The following CWF19L2 variants were observed in gnomAD, a reference collection of about 807,000 sequenced individuals.
CWF19L2 encodes CWF19-like protein 2.
In CWF19L2, 98 loss-of-function variants were observed where a neutral mutation model predicts 111.7. That is an observed-to-expected ratio of 0.88 (90% CI 0.75 to 1.04). CWF19L2 has a LOEUF of 1.04. CWF19L2 is among the 50% of genes least tolerant of loss of function. The pLI is 0.00. For missense variants in CWF19L2, 1,101 were observed against 1,051.4 expected (o/e 1.05, Z -0.65); for synonymous variants, 351 against 342.9 (o/e 1.02, Z -0.26).
intron 7 of CWF19L2, among the ~76,000 whole-genome samples, chr11:107,430,146 T>C (rs1163208319): frequency 2.7e-5 from 4 of 150,524 alleles, no homozygotes; most frequent in African/African-American, 9.8e-5. Context: ...CCAATAGCCT[T>C]GGGTGGGGGA....
At position 107,368,124 on chromosome 11, in the gene CWF19L2, C is replaced by A. The variant is rs550806366; in HGVS notation, c.1873-14388G>T. On this transcript the variant is annotated intron_variant, in intron 12 of 17. Coordinates refer to ENST00000282251, the MANE Select transcript of CWF19L2 (RefSeq NM_152434.3). ...GGGCAGAATAAATTGAGACCCCCCC[C>A]CACACAAAAATACAAAAGATCAGTA... Among the ~76,000 whole-genome samples, 365 of 110,272 alleles carry A rather than the reference C, an allele frequency of 3.3e-3. 67 individuals are homozygous for A. The highest frequency in any genetic ancestry group is 0.022 in the South Asian group (79 of 3,602). The allele number at this position is 110,272 out of a possible 152,430, so 72.3% of individuals were successfully genotyped here.
At chr11:107,433,250 T>C (rs1260630350) in intron 7 of CWF19L2, among the ~76,000 whole-genome samples, 1 of 152,094 alleles carries the variant, frequency 6.6e-6, no homozygotes, top group Non-Finnish European at 1.5e-5. Context: ...TTTAAGAGTA[T>C]ATATACACTC....
In CWF19L2 at chr11:107,334,972, T is replaced by A. The variant is rs1193620895; in HGVS notation, c.2359-11A>T. ...TTCCATTATGGCTTTCTAAGAAATA[T>A]CCATTTGTTAAGTGAAAAAAGAACA... On this transcript the variant is annotated splice_polypyrimidine_tract_variant and intron_variant, in intron 15 of 17. Transcript: ENST00000282251. 8.4e-6 allele frequency: 13 copies of A among 1,553,886 alleles called. No individual in the cohort carries two copies. Among genetic ancestry groups the A allele is most frequent in the Admixed American group, 1.7e-5 (1 of 59,328 alleles).
At chr11:107,336,972 T>C (rs1859935047) in intron 14 of CWF19L2, among the ~76,000 whole-genome samples, 1 of 152,158 alleles carries the variant, frequency 6.6e-6, no homozygotes, top group Admixed American at 6.5e-5. Flanking sequence ...TAGAAATAGT[T>C]TCAGTAAAAT....
chr11:107,378,340 C>A (rs1003559671), intron 12 of CWF19L2, among the ~76,000 whole-genome samples: 2 of 150,938 alleles, frequency 1.3e-5, no homozygotes, highest in Non-Finnish European at 3.0e-5. Context: ...CGGCACTATT[C>A]ACAATAGCAA....
At chr11:107,345,562 A>G (rs1860068009) in intron 14 of CWF19L2, 2 of 441,144 alleles carry the variant, frequency 4.5e-6, no homozygotes, top group African/African-American at 2.1e-5. Flanking sequence ...ATACTAAAAT[A>G]GTGTTGCAAG....
chr11:107,397,474 C>A (rs1413062437), intron 10 of CWF19L2, among the ~76,000 whole-genome samples: 2 of 152,106 alleles, frequency 1.3e-5, no homozygotes, highest in Non-Finnish European at 2.9e-5. Context: ...CTCTAGTGAC[C>A]TGGGAATCTC....
chr11:107,337,115 G>A (rs754691752), intron 14 of CWF19L2, among the ~76,000 whole-genome samples: 1 of 152,172 alleles, frequency 6.6e-6, no homozygotes, highest in Non-Finnish European at 1.5e-5. Context: ...AGAAATACAT[G>A]AGAATTCACT....
At chr11:107,448,739 T>C (rs1442177707) in intron 3 of CWF19L2, among the ~76,000 whole-genome samples, 2 of 152,042 alleles carry the variant, frequency 1.3e-5, no homozygotes, top group East Asian at 1.9e-4. Context: ...TTATAAAACA[T>C]AGCCCAAGAG....
intron 8 of CWF19L2, among the ~76,000 whole-genome samples, chr11:107,426,633 C>T (rs1861381394): frequency 6.6e-6 from 1 of 151,088 alleles, no homozygotes; most frequent in East Asian, 1.9e-4. Flanking sequence ...ATTAAAGAGC[C>T]TTTAAAATAA....
At position 107,457,743 on chromosome 11, in the gene CWF19L2, G is replaced by T. The variant is rs377201661; in HGVS notation, c.74C>A (p.Thr25Asn). The T allele has an allele frequency of 6.4e-7, 1 of 1,551,512 alleles. No individual in the cohort carries two copies. The highest frequency in any genetic ancestry group is 1.4e-5 in the African/African-American group (1 of 73,020). Residue 25 changes from threonine (T) to asparagine (N), a missense_variant, in exon 1 of 18, where the codon ACC becomes AAC. Physicochemically the swap from Thr to Asn is moderately conservative, Grantham distance 65 (BLOSUM62 0). Coordinates refer to ENST00000282251, the MANE Select transcript of CWF19L2 (RefSeq NM_152434.3). The stretch of plus-strand genomic sequence containing the variant: ...CAACACCTCGGCCCTGGCATTCCGG[G>T]TCTGTTCTTTCCGCTCTTCGATACT... The part of the protein sequence containing the change: ...AKSIEERKEQ[T>N]RNARAEVLRQ...
At chr11:107,403,287 C>T (rs939508138) in intron 10 of CWF19L2, 1 of 454,902 alleles carries the variant, frequency 2.2e-6, no homozygotes, top group Non-Finnish European at 4.0e-6. Flanking sequence ...AAAGACACTT[C>T]AGAGTCCAGT....
intron 14 of CWF19L2, among the ~76,000 whole-genome samples, chr11:107,340,332 A>T (rs944037427): frequency 5.9e-5 from 9 of 152,134 alleles, no homozygotes; most frequent in Admixed American, 5.9e-4. Flanking sequence ...GTTTTGAGTT[A>T]ATATTTATAT....
At chr11:107,454,031 T>C (rs1861817838) in intron 3 of CWF19L2, among the ~76,000 whole-genome samples, 1 of 152,206 alleles carries the variant, frequency 6.6e-6, no homozygotes, top group Non-Finnish European at 1.5e-5. Flanking sequence ...TTGACGCCAG[T>C]ACCTGGGTCC....
intron 14 of CWF19L2, among the ~76,000 whole-genome samples, chr11:107,346,311 T>A (rs548931451): frequency 6.6e-6 from 1 of 152,322 alleles, no homozygotes; most frequent in African/African-American, 2.4e-5. Context: ...CACATTTATC[T>A]CTACTCTCTC....
intron 10 of CWF19L2, among the ~76,000 whole-genome samples, chr11:107,400,334 A>T (rs1329870889): frequency 6.6e-6 from 1 of 152,144 alleles, no homozygotes; most frequent in Non-Finnish European, 1.5e-5. Flanking sequence ...AATATTAACC[A>T]AGAAGAGAGA....
chr11:107,395,114 A>G (rs1262375163), intron 10 of CWF19L2, among the ~76,000 whole-genome samples: 1 of 152,162 alleles, frequency 6.6e-6, no homozygotes, highest in African/African-American at 2.4e-5. Context: ...CACGTGTTGT[A>G]GGAGGGACCC....
chr11:107,413,348 C>T (rs1861184720), intron 10 of CWF19L2, among the ~76,000 whole-genome samples: 1 of 152,030 alleles, frequency 6.6e-6, no homozygotes. Context: ...AATGTTGCAA[C>T]TGTATGACAG....
chr11:107,449,134 G>C (rs1861743089), intron 3 of CWF19L2, among the ~76,000 whole-genome samples: 2 of 123,060 alleles, frequency 1.6e-5, no homozygotes, highest in African/African-American at 6.3e-5. Flanking sequence ...ACATTTTACA[G>C]TGCAAAAAAA....
Sources: gnomAD v4.1 joint callset for allele counts (sites outside exome capture counted in the v4.1 genomes callset) on GRCh38, gnomAD v4.1.1 for gene constraint, MANE v1.5 for transcripts, NCBI Gene and HGNC (gene_info 2026-07-23, HGNC 2026-07-21) for gene names.